The following LRRC49 variants were observed in gnomAD, a reference collection of about 807,000 sequenced individuals.
LRRC49 encodes leucine rich repeat containing 49, also known as leucine-rich repeat-containing protein 49.
LRRC49 carries 50 observed loss-of-function variants against 83.3 expected under a neutral mutation model. The ratio of observed to expected loss-of-function variants is 0.60; its 90% CI spans 0.48 to 0.76. LRRC49 has a LOEUF of 0.76. Among genes scored for constraint, LRRC49 ranks in the 30% least tolerant of loss-of-function variants. The pLI is 0.00. For synonymous variants in LRRC49, 286 were observed against 283.3 expected, an observed-to-expected ratio of 1.01 and a Z score of -0.10; for missense variants, 704 against 809.1, an observed-to-expected ratio of 0.87 and a Z score of 1.58.
intron 9 of LRRC49, among the ~76,000 whole-genome samples, chr15:70,975,066 A>G (rs1251055427): frequency 6.6e-6 from 1 of 152,234 alleles, no homozygotes; most frequent in African/African-American, 2.4e-5. Flanking sequence ...AACAATATTC[A>G]TTTATAGAAA....
Position 70,944,285 on chromosome 15 carries a change from A to G in LRRC49, c.773+7463A>G, listed in dbSNP as rs142088851. On this transcript the variant is annotated intron_variant, in intron 8 of 15. Transcript: ENST00000260382. ...TCCTAATGTAAACAAATCCTCTCTG[A>G]AGAGAAAAGTCAAAGGTGTTTTGGC... Among the ~76,000 whole-genome samples the G allele has an allele frequency of 5.1e-4, 77 of 152,314 alleles. No homozygotes were observed. The East Asian group carries it at 0.015, about 29-fold the overall frequency.
intron 7 of LRRC49, among the ~76,000 whole-genome samples, chr15:70,930,302 T>C (rs1781903132): frequency 6.6e-6 from 1 of 152,214 alleles, no homozygotes; most frequent in Admixed American, 6.5e-5. Context: ...CCAAGTGCAT[T>C]GTTAATAAGC....
chr15:70,859,020 C>T lies in LRRC49; in HGVS notation c.-299+5551C>T, dbSNP rs970273374. 8.7e-6 allele frequency: 10 copies of T among 1,152,388 alleles called. No individual in the cohort carries two copies. In the African/African-American group the frequency reaches 1.5e-4, roughly 17 times the overall value. The allele number at this position is 1,152,388 out of a possible 1,614,324, so 71.4% of individuals were successfully genotyped here. On this transcript the variant is annotated intron_variant, in intron 1 of 16. Coordinates refer to the LRRC49 transcript ENST00000544974. ...ATCAAGGCCCTCAACAACAAGTTTG[C>T]CTCCTTCATAGACAAGGTATGGTTC...
chr15:70,928,625 T>C (rs1265775741), intron 7 of LRRC49, among the ~76,000 whole-genome samples: 5 of 152,078 alleles, frequency 3.3e-5, no homozygotes, highest in Admixed American at 6.6e-5. Context: ...TGGAGTGCAA[T>C]TGCAGTCTTG....
rs948378144 is a variant in LRRC49 at position 71,002,234 on chromosome 15, T to C, written c.1170-6145T>C. 3.9e-5 allele frequency among the ~76,000 whole-genome samples: 6 copies of C among 152,198 alleles called. No homozygotes were observed. In the South Asian group the frequency reaches 1.0e-3, roughly 26 times the overall value. Reference sequence around the variant, plus strand: ...GTTTTCCATTTTTAATAATCATTTATATTTATAGTCTTTAGTATTTCATAA... The same window carrying C: ...GTTTTCCATTTTTAATAATCATTTACATTTATAGTCTTTAGTATTTCATAA... On this transcript the variant is annotated intron_variant, in intron 11 of 15. Transcript: ENST00000260382.
intron 9 of LRRC49, among the ~76,000 whole-genome samples, chr15:70,970,505 A>AGTTAGGGAG (rs1470140208): frequency 2.6e-5 from 4 of 152,172 alleles, no homozygotes; most frequent in Non-Finnish European, 5.9e-5. Context: ...TCATAAAATG[A>AGTTAGGGAG]GTTAGGGAGG....
At chr15:70,924,956 C>A (rs1033554489) in intron 7 of LRRC49, among the ~76,000 whole-genome samples, 9 of 151,876 alleles carry the variant, frequency 5.9e-5, no homozygotes, top group African/African-American at 1.2e-4. Flanking sequence ...CTTTTCCTTC[C>A]TCTGGTTGCC....
intron 9 of LRRC49, among the ~76,000 whole-genome samples, chr15:70,969,022 G>T (rs538352275): frequency 4.7e-4 from 71 of 152,040 alleles, no homozygotes; most frequent in African/African-American, 1.6e-3. Context: ...TTTTGTTACC[G>T]TTGCTTTTGG....
intron 8 of LRRC49, among the ~76,000 whole-genome samples, chr15:70,940,382 G>A (rs893626618): frequency 6.6e-6 from 1 of 150,572 alleles, no homozygotes; most frequent in African/African-American, 2.4e-5. Flanking sequence ...TCAGCCTCCT[G>A]AGTAGTTGGG....
At chr15:70,854,040 G>C (rs1208570166) in intron 1 of LRRC49, 9 of 1,440,718 alleles carry the variant, frequency 6.2e-6, no homozygotes, top group Non-Finnish European at 8.3e-6. Context: ...ACGCGGATCT[G>C]CACCGCCGTC....
chr15:70,871,557 C>A (rs34891097), intron 1 of LRRC49, among the ~76,000 whole-genome samples: 4 of 150,698 alleles, frequency 2.7e-5, no homozygotes, highest in South Asian at 4.2e-4. Context: ...ACCTCCCGAA[C>A]GGCGCGGCTG....
chr15:70,909,277 A>C (rs1250319998), intron 5 of LRRC49, among the ~76,000 whole-genome samples: 1 of 152,206 alleles, frequency 6.6e-6, no homozygotes, highest in African/African-American at 2.4e-5. Flanking sequence ...CAGCAGGATG[A>C]CAAAGCTGGT....
chr15:70,864,111 C>T (rs945822216), intron 1 of LRRC49, among the ~76,000 whole-genome samples: 1 of 152,046 alleles, frequency 6.6e-6, no homozygotes, highest in Non-Finnish European at 1.5e-5. Flanking sequence ...TAGCTAGATT[C>T]GTCTATGAAC....
intron 1 of LRRC49, chr15:70,859,518 A>G (rs2032733446): frequency 2.9e-6 from 2 of 683,172 alleles, no homozygotes; most frequent in East Asian, 6.4e-5. Context: ...CAGTAGGAGG[A>G]GATTGCCAAC....
intron 2 of LRRC49, among the ~76,000 whole-genome samples, chr15:70,878,058 G>T (rs1318309044): frequency 6.6e-6 from 1 of 152,130 alleles, no homozygotes. Context: ...GCGTGAACCC[G>T]GGAGGCAGAG....
At chr15:70,967,409 G>A (rs1352077431) in intron 9 of LRRC49, among the ~76,000 whole-genome samples, 1 of 152,082 alleles carries the variant, frequency 6.6e-6, no homozygotes, top group East Asian at 1.9e-4. Context: ...GATGGGTGAT[G>A]AGATGAGAAG....
At chr15:71,044,886 C>CTTTTTTTT (rs71152326) in intron 15 of LRRC49, among the ~76,000 whole-genome samples, 3 of 74,458 alleles carry the variant, frequency 4.0e-5, no homozygotes, top group African/African-American at 1.0e-4. Flanking sequence ...CAGAAACAAT[C>CTTTTTTTT]TTTTTTTTTT....
At chr15:70,939,927 T>C (rs1359377504) in intron 8 of LRRC49, among the ~76,000 whole-genome samples, 1 of 150,118 alleles carries the variant, frequency 6.7e-6, no homozygotes, top group African/African-American at 2.4e-5. Flanking sequence ...TGTTAGTACA[T>C]ATAGTATGGT....
Position 71,051,839 on chromosome 15 carries a change from G to A in LRRC49, c.*2227G>A, listed in dbSNP as rs550449824. On this transcript the variant is annotated 3_prime_UTR_variant, in exon 16 of 16. Transcript: ENST00000260382. Reference sequence around the variant, plus strand: ...TCTATGCAGACCTGCTTCAGGCCTGGTAATAGGGTCTCTCTCTTGTTCCTG... The same window carrying A: ...TCTATGCAGACCTGCTTCAGGCCTGATAATAGGGTCTCTCTCTTGTTCCTG... The A allele has an allele frequency of 1.3e-5, 2 of 152,374 alleles. No individual in the cohort carries two copies. Among genetic ancestry groups the A allele is most frequent in the African/African-American group, 4.8e-5 (2 of 41,552 alleles). The allele number at this position is 152,374 out of a possible 1,614,324, so 9.4% of individuals were successfully genotyped here. A position where few individuals can be genotyped will look rare whatever the true frequency, so the allele number is the denominator to read the frequency against.
Sources: allele counts gnomAD v4.1 joint callset (sites outside exome capture counted in the v4.1 genomes callset), GRCh38; gene constraint gnomAD v4.1.1; transcripts MANE v1.5; gene names NCBI Gene and HGNC (gene_info 2026-07-23, HGNC 2026-07-21).